The following ARHGEF3 variants were observed in gnomAD, a reference collection of about 807,000 sequenced individuals.
The protein encoded by ARHGEF3 is 59.8 kDA protein.
Under a neutral mutation model 63.2 loss-of-function variants are expected in ARHGEF3, and 28 were observed. The ratio of observed to expected loss-of-function variants is 0.44; its 90% CI spans 0.33 to 0.61. The LOEUF (loss-of-function observed/expected upper bound fraction) is 0.61. ARHGEF3 is among the 20% of genes least tolerant of loss of function. ARHGEF3 has a pLI of 0.03. For missense variants in ARHGEF3, 533 were observed against 659.3 expected, an observed-to-expected ratio of 0.81 and a Z score of 2.10; for synonymous variants, 266 against 254.2, an observed-to-expected ratio of 1.05 and a Z score of -0.44.
chr3:56,804,620 C>G (rs1010511674), upstream of ARHGEF3, among the ~76,000 whole-genome samples: 3 of 152,174 alleles, frequency 2.0e-5, no homozygotes, highest in African/African-American at 7.2e-5. Flanking sequence ...GAAGAGAGCA[C>G]CTGAGTTTTT....
At chr3:56,768,481 G>T (rs2035830723) in intron 2 of ARHGEF3, among the ~76,000 whole-genome samples, 2 of 151,746 alleles carry the variant, frequency 1.3e-5, no homozygotes, top group South Asian at 4.2e-4. Flanking sequence ...AATATTCACA[G>T]CCTAAATATG....
chr3:56,753,633 C>G, intron 3 of ARHGEF3, 67 bp from the exon 4 acceptor site: 1 of 1,402,994 alleles, frequency 7.1e-7, no homozygotes. Context: ...TCAAATAGTG[C>G]TGGCTCCACC....
At chr3:56,990,320 A>G (rs138695738) in intron 2 of ARHGEF3, among the ~76,000 whole-genome samples, 4 of 152,358 alleles carry the variant, frequency 2.6e-5, no homozygotes, top group African/African-American at 9.6e-5. Context: ...GCCATGGCTC[A>G]CGCCTGTAAT....
intron 2 of ARHGEF3, among the ~76,000 whole-genome samples, chr3:56,969,860 A>T (rs1296362737): frequency 2.0e-5 from 3 of 152,212 alleles, no homozygotes; most frequent in Non-Finnish European, 4.4e-5. Context: ...TTATTCAACC[A>T]TTAAAAAAAG....
intron 4 of ARHGEF3, among the ~76,000 whole-genome samples, chr3:56,813,281 G>A (rs183606725): frequency 6.6e-6 from 1 of 152,182 alleles, no homozygotes; most frequent in Non-Finnish European, 1.5e-5. Flanking sequence ...AGCTGGGAAG[G>A]CTGGGTTTTT....
At chr3:57,059,588 T>C (rs1705111732) in intron 1 of ARHGEF3, among the ~76,000 whole-genome samples, 1 of 152,118 alleles carries the variant, frequency 6.6e-6, no homozygotes, top group African/African-American at 2.4e-5. Context: ...AATCTGGCTC[T>C]GCTATCTGCC....
chr3:57,045,198 C>T (rs1579159265), intron 1 of ARHGEF3, among the ~76,000 whole-genome samples: 2 of 152,104 alleles, frequency 1.3e-5, no homozygotes, highest in Admixed American at 1.3e-4. Flanking sequence ...ACCTAGGAGA[C>T]GGAGGTTAAA....
intron 3 of ARHGEF3, among the ~76,000 whole-genome samples, chr3:56,933,727 T>A (rs562118614): frequency 6.6e-6 from 1 of 152,270 alleles, no homozygotes; most frequent in African/African-American, 2.4e-5. Flanking sequence ...AATGGAAAAA[T>A]TATTTGTAAA....
intron 2 of ARHGEF3, among the ~76,000 whole-genome samples, chr3:57,024,298 T>TA (rs57220752): frequency 0.27 from 38,702 of 141,568 alleles, 6,109 homozygotes; most frequent in South Asian, 0.38. Flanking sequence ...GGAAAGATAT[T>TA]AAAAAAAAAA....
At chr3:56,762,687 T>C (rs2035486848) in intron 2 of ARHGEF3, among the ~76,000 whole-genome samples, 1 of 152,196 alleles carries the variant, frequency 6.6e-6, no homozygotes, top group Admixed American at 6.5e-5. Flanking sequence ...TTCTCCACAC[T>C]TACCATGCTA....
At chr3:56,865,100 TTCATTTC>T (rs1166103667) in intron 4 of ARHGEF3, among the ~76,000 whole-genome samples, 1 of 152,204 alleles carries the variant, frequency 6.6e-6, no homozygotes, top group African/African-American at 2.4e-5. Flanking sequence ...CAGAAGCTGG[TTCATTTC>T]TCATTTCAGA....
chr3:56,833,289 C>T (rs1181914265), intron 4 of ARHGEF3, among the ~76,000 whole-genome samples: 1 of 152,130 alleles, frequency 6.6e-6, no homozygotes, highest in East Asian at 1.9e-4. Context: ...TAAAAATAGC[C>T]ATCCTAGTGG....
In ARHGEF3 at chr3:56,893,811, C is replaced by CA. The variant is rs537483698; in HGVS notation, c.130-11458dup. 1.1e-3 allele frequency among the ~76,000 whole-genome samples: 90 copies of CA among 79,538 alleles called. 2 individuals carry two copies. Among genetic ancestry groups the CA allele is most frequent in the African/African-American group, 3.0e-3 (79 of 26,270 alleles). The allele number at this position is 79,538 out of a possible 152,430, so 52.2% of individuals were successfully genotyped here. A position where few individuals can be genotyped will look rare whatever the true frequency, so the allele number is the denominator to read the frequency against. On this transcript the variant is annotated intron_variant, in intron 3 of 12. Transcript: ENST00000338458. ...ACAGAGCAAGAACAAGACTCTGTCT[C>CA]AAAAAAAAAAAAAAAAAAAAAAAAA...
intron 2 of ARHGEF3, among the ~76,000 whole-genome samples, chr3:56,995,630 AG>A (rs1701945873): frequency 1.9e-5 from 1 of 53,480 alleles, no homozygotes; most frequent in Admixed American, 2.2e-4. Context: ...CGAGAGAGAG[AG>A]AGAGAGAGAG....
chr3:57,041,774 C>T (rs559748583), intron 1 of ARHGEF3, among the ~76,000 whole-genome samples: 60 of 152,186 alleles, frequency 3.9e-4, no homozygotes, highest in African/African-American at 1.2e-3. Context: ...AGGGAGAGAG[C>T]GGGATACATT....
intron 4 of ARHGEF3, among the ~76,000 whole-genome samples, chr3:56,880,964 T>C (rs925063515): frequency 6.6e-6 from 1 of 152,220 alleles, no homozygotes; most frequent in Non-Finnish European, 1.5e-5. Context: ...GTACATTAAT[T>C]AGAGCCAGTT....
chr3:56,812,348 C>T (rs371248735), intron 4 of ARHGEF3, among the ~76,000 whole-genome samples: 5 of 152,294 alleles, frequency 3.3e-5, no homozygotes, highest in African/African-American at 1.2e-4. Flanking sequence ...CAGTGTTAGA[C>T]TGTGGGGGCC....
intron 2 of ARHGEF3, among the ~76,000 whole-genome samples, chr3:56,762,069 C>A (rs1178105177): frequency 6.6e-6 from 1 of 152,138 alleles, no homozygotes; most frequent in African/African-American, 2.4e-5. Context: ...GCCCTCTAAC[C>A]ACCAGATGCC....
At chr3:56,795,655 C>CTTTTTT (rs11306302) in intron 1 of ARHGEF3, among the ~76,000 whole-genome samples, 2 of 130,564 alleles carry the variant, frequency 1.5e-5, no homozygotes, top group East Asian at 2.6e-4. Flanking sequence ...GTCTCTCTCT[C>CTTTTTT]TTTTTTTTTT....
Sources: allele counts gnomAD v4.1 joint callset (sites outside exome capture counted in the v4.1 genomes callset), GRCh38; gene constraint gnomAD v4.1.1; transcripts MANE v1.5; gene names NCBI Gene and HGNC (gene_info 2026-07-23, HGNC 2026-07-21).